Variants in CHAC1 observed in about 807,000 individuals in gnomAD.
CHAC1 encodes ChaC glutathione specific gamma-glutamylcyclotransferase 1.
Under a neutral mutation model 22.1 loss-of-function variants are expected in CHAC1, and 22 were observed. The ratio of observed to expected loss-of-function variants is 1.00; its 90% CI spans 0.71 to 1.42. The LOEUF is 1.42. Among genes scored for constraint, CHAC1 ranks in the 40% most tolerant of loss-of-function variants. The pLI, the probability that CHAC1 is intolerant of heterozygous loss-of-function variation, is 0.00. For synonymous variants in CHAC1, 145 were observed against 128.7 expected (o/e 1.13, Z -0.86); for missense variants, 272 against 299.2 (o/e 0.91, Z 0.67).
chr15:40,953,683 T>C lies in CHAC1; in HGVS notation c.100T>C (p.Trp34Arg). Residue 34 changes from tryptophan to arginine, a missense_variant, in exon 1 of 3, where the codon TGG (tryptophan) becomes CGG (arginine). Transcript: ENST00000617768. ...AAACGACGGCGACCCTCAAGCGCTGTGGATTTTCGGGTACGGCTCCCTGGT... is the reference window on the plus strand; with the variant it reads ...AAACGACGGCGACCCTCAAGCGCTGCGGATTTTCGGGTACGGCTCCCTGGT... ...PRNDGDPQALWIFGYGSLVWR... is the reference protein window; with the variant it reads ...PRNDGDPQALRIFGYGSLVWR... 6.2e-7 allele frequency: 1 copy of C among 1,608,126 alleles called. No individual in the cohort carries two copies.
rs142679695 is a variant in CHAC1, at chr15:40,955,401, T to C, written c.296T>C (p.Val99Ala). The change falls in exon 3 of 3, where the codon GTG becomes GCG. Residue 99 changes from valine to alanine, a missense_variant. By Grantham distance (64) the Val-to-Ala change is moderately conservative. Coordinates refer to ENST00000617768, the MANE Select transcript of CHAC1 (RefSeq NM_024111.6). ...EGCTWGVAYQ[V>A]QGEQVSKALK... ...TGCACTTGGGGCGTGGCATACCAAG[T>C]GCAAGGGGAGCAGGTAAGCAAGGCC... 2.3e-4 allele frequency: 367 copies of C among 1,613,956 alleles called. 1 individual carries two copies. In the African/African-American group the frequency reaches 4.4e-3, roughly 19 times the overall value.
In CHAC1 at chr15:40,953,813, T is replaced by C; in HGVS notation, c.230T>C (p.Met77Thr). ...GDTFHRGSDK[M>T]PGRVVTLLED... ...ACCTTCCATCGGGGCAGCGACAAGA[T>C]GGTGAGCATCCAACCGTGCCCAGGG... The change falls in exon 1 of 3, where the codon ATG becomes ACG. Residue 77 changes from methionine (M) to threonine (T), a missense_variant and splice_region_variant. Coordinates refer to ENST00000617768, the MANE Select transcript of CHAC1 (RefSeq NM_024111.6). 4 of 1,587,650 alleles carry C rather than the reference T, an allele frequency of 2.5e-6. No individual in the cohort carries two copies. The highest frequency in any genetic ancestry group is 2.2e-5 in the South Asian group (2 of 90,022).
In CHAC1 at chr15:40,953,533, G is replaced by T; in HGVS notation, c.-51G>T. ...CGTCCGTCGGTCTTTCCGTGCCCAC[G>T]CCGGAGACCAGCCCCGGAGGCCGCC... On this transcript the variant is annotated 5_prime_UTR_variant, in exon 1 of 3. Transcript: ENST00000617768. The T allele has an allele frequency of 6.2e-7, 1 of 1,605,710 alleles. No individual in the cohort carries two copies. The highest frequency in any genetic ancestry group is 8.5e-7 in the Non-Finnish European group (1 of 1,178,564).
chr15:40,954,584 T>TG lies in CHAC1; in HGVS notation c.267+321_267+322insG, dbSNP rs1274006685. On this transcript the variant is annotated intron_variant, in intron 2 of 2. Transcript: ENST00000617768. ...GACCACTTTGTCAACTGTTTTTTTT[T>TG]TTTGTTGTTGTTGTTGTTGTTTTGT... is the stretch of plus-strand genomic sequence containing the variant. Among the ~76,000 whole-genome samples the TG allele has an allele frequency of 9.1e-3, 1,373 of 151,010 alleles. 21 individuals carry two copies. Among genetic ancestry groups the TG allele is most frequent in the African/African-American group, 0.032 (1,317 of 40,886 alleles).
chr15:40,954,393 G>A, intron 2 of CHAC1, 130 bp downstream of exon 2: 2 of 923,062 alleles, frequency 2.2e-6, no homozygotes, highest in East Asian at 2.4e-5. Context: ...ACGTGTTCTA[G>A]CTCAGTGCTT....
In CHAC1 at chr15:40,954,279, A is replaced by G; in HGVS notation, c.267+16A>G. 6.2e-7 allele frequency: 1 copy of G among 1,613,906 alleles called. No individual in the cohort carries two copies. The highest frequency in any genetic ancestry group is 2.2e-5 in the East Asian group (1 of 44,878). Reference sequence around the variant, plus strand: ...AGATCATGAGGTAAGTGCCCGAATCATGAAGGGGAACCCTGGCCCAGTGTG... The same window carrying G: ...AGATCATGAGGTAAGTGCCCGAATCGTGAAGGGGAACCCTGGCCCAGTGTG... On this transcript the variant is annotated intron_variant, in intron 2 of 2. Transcript: ENST00000617768.
At position 40,956,043 on chromosome 15, in the gene CHAC1, G is replaced by A. The variant is rs1401675482; in HGVS notation, c.*269G>A. 7 of 423,818 alleles carry A rather than the reference G, an allele frequency of 1.7e-5. No individual in the cohort carries two copies. Among genetic ancestry groups the A allele is most frequent in the Non-Finnish European group, 3.0e-5 (7 of 236,786 alleles). The allele number at this position is 423,818 out of a possible 1,614,324, so 26.3% of individuals were successfully genotyped here. A position where few individuals can be genotyped will look rare whatever the true frequency, so the allele number is the denominator to read the frequency against. ...GGACACAGGGGCCCTGCTGAGCAGT[G>A]GCCCCATCCTGGAACTTGACCAGAT... On this transcript the variant is annotated 3_prime_UTR_variant, in exon 3 of 3. Coordinates refer to ENST00000617768, the MANE Select transcript of CHAC1 (RefSeq NM_024111.6).
At position 40,955,812 on chromosome 15, in the gene CHAC1, CAG is replaced by C. The variant is rs1438092602; in HGVS notation, c.*39_*40del. On this transcript the variant is annotated 3_prime_UTR_variant, in exon 3 of 3. Transcript: ENST00000617768. ...CTGCGGGGAGTGCTCATGTGGACAT[CAG>C]GGCCAGACACCCACTCCAGTGCACA... 7 of 1,531,946 alleles carry C rather than the reference CAG, an allele frequency of 4.6e-6. No homozygotes were observed. The East Asian group carries it at 1.4e-4, about 30-fold the overall frequency. 94.9% of individuals were successfully genotyped at this position (1,531,946 alleles called of 1,614,324 possible).
At position 40,955,407 on chromosome 15, in the gene CHAC1, G is replaced by C; in HGVS notation, c.302G>C (p.Gly101Ala). The C allele has an allele frequency of 6.2e-7, 1 of 1,613,998 alleles. No individual in the cohort carries two copies. Among genetic ancestry groups the C allele is most frequent in the Middle Eastern group, 1.6e-4 (1 of 6,062 alleles). Residue 101 changes from glycine (G) to alanine (A), a missense_variant, in exon 3 of 3, where the codon GGG becomes GCG. Physicochemically the swap from Gly to Ala is moderately conservative, Grantham distance 60. Transcript: ENST00000617768. ...CTWGVAYQVQ[G>A]EQVSKALKYL... ...TGGGGCGTGGCATACCAAGTGCAAGGGGAGCAGGTAAGCAAGGCCCTGAAG... is the reference window on the plus strand; with the variant it reads ...TGGGGCGTGGCATACCAAGTGCAAGCGGAGCAGGTAAGCAAGGCCCTGAAG...
At position 40,955,294 on chromosome 15, in the gene CHAC1, G is replaced by A. The variant is rs923715796; in HGVS notation, c.268-79G>A. On this transcript the variant is annotated intron_variant, in intron 2 of 2. Transcript: ENST00000617768. ...TCCCTTATAGAGCACAGTCCTGGGT[G>A]GGGGTGGCATGTTAGGATAGGAGAG... The A allele has an allele frequency of 2.0e-6, 3 of 1,488,856 alleles. No homozygotes were observed. The South Asian group carries it at 3.7e-5, about 18-fold the overall frequency. 92.2% of individuals were successfully genotyped at this position (1,488,856 alleles called of 1,614,324 possible). A position where few individuals can be genotyped will look rare whatever the true frequency, so the allele number is the denominator to read the frequency against.
chr15:40,953,858 G>A (rs1242364302), intron 1 of CHAC1, 44 bp downstream of exon 1: 10 of 1,459,458 alleles, frequency 6.9e-6, no homozygotes, highest in Admixed American at 4.0e-5. Context: ...GGTTGGGGGC[G>A]GGATACTGGG....
rs1374498180 is a variant in CHAC1 at position 40,953,723 on chromosome 15, T to C, written c.140T>C (p.Phe47Ser). 6.2e-7 allele frequency: 1 copy of C among 1,604,396 alleles called. No individual in the cohort carries two copies. The highest frequency in any genetic ancestry group is 1.3e-5 in the African/African-American group (1 of 74,940). ...GYGSLVWRPD[F>S]AYSDSRVGFV... ...GGCTCCCTGGTGTGGAGGCCCGACT[T>C]CGCCTACAGCGACAGCCGTGTGGGC... Residue 47 changes from phenylalanine (F) to serine (S), a missense_variant, in exon 1 of 3, where the codon TTC becomes TCC. Coordinates refer to ENST00000617768, the MANE Select transcript of CHAC1 (RefSeq NM_024111.6).
At position 40,954,274 on chromosome 15, in the gene CHAC1, G is replaced by A. The variant is rs756426342; in HGVS notation, c.267+11G>A. 3 of 1,613,858 alleles carry A rather than the reference G, an allele frequency of 1.9e-6. No homozygotes were observed. Among genetic ancestry groups the A allele is most frequent in the South Asian group, 2.2e-5 (2 of 91,072 alleles). ...CTTGAAGATCATGAGGTAAGTGCCC[G>A]AATCATGAAGGGGAACCCTGGCCCA... On this transcript the variant is annotated intron_variant, in intron 2 of 2. Coordinates refer to ENST00000617768, the MANE Select transcript of CHAC1 (RefSeq NM_024111.6).
chr15:40,954,591 G>T (rs1006869692), intron 2 of CHAC1, among the ~76,000 whole-genome samples: 67 of 150,518 alleles, frequency 4.5e-4, no homozygotes, highest in Non-Finnish European at 7.8e-4. Flanking sequence ...TTTTTTTGTT[G>T]TTGTTGTTGT....
Position 40,955,949 on chromosome 15 carries a change from C to A in CHAC1, c.*175C>A. 1.5e-6 allele frequency: 1 copy of A among 660,338 alleles called. No homozygotes were observed. The highest frequency in any genetic ancestry group is 2.5e-6 in the Non-Finnish European group (1 of 394,852). The allele number at this position is 660,338 out of a possible 1,614,324, so 40.9% of individuals were successfully genotyped here. A position where few individuals can be genotyped will look rare whatever the true frequency, so the allele number is the denominator to read the frequency against. On this transcript the variant is annotated 3_prime_UTR_variant, in exon 3 of 3. Coordinates refer to ENST00000617768, the MANE Select transcript of CHAC1 (RefSeq NM_024111.6). The stretch of plus-strand genomic sequence containing the variant: ...CAGCCTGCAGCTCTCCTGCTTGACA[C>A]TGACTTACTACTTGAAACTTTATTT...
Position 40,955,764 on chromosome 15 carries a change from C to A in CHAC1, c.659C>A (p.Ala220Glu). 2.5e-6 allele frequency: 4 copies of A among 1,593,986 alleles called. No homozygotes were observed. The highest frequency in any genetic ancestry group is 3.4e-6 in the Non-Finnish European group (4 of 1,175,876). Residue 220 changes from alanine to glutamate, a missense_variant, in exon 3 of 3, where the codon GCG (alanine) becomes GAG (glutamate). Coordinates refer to ENST00000617768, the MANE Select transcript of CHAC1 (RefSeq NM_024111.6). ...TTCTGCCCCACCGAGCAGGCTCTGG[C>A]GCTGGTGTGAGGGGCTGAGCCCCTG... ...PCFCPTEQAL[A>E]LV
intron 2 of CHAC1, 22 bp from the exon 3 acceptor site, chr15:40,955,351 G>C (rs561417357): frequency 6.2e-7 from 1 of 1,611,806 alleles, no homozygotes; most frequent in Non-Finnish European, 8.5e-7. Flanking sequence ...GACTGACCCC[G>C]GGTGTCCCTA....
At position 40,953,654 on chromosome 15, in the gene CHAC1, C is replaced by A; in HGVS notation, c.71C>A (p.Pro24His). 1 of 1,609,322 alleles carries A rather than the reference C, an allele frequency of 6.2e-7. No individual in the cohort carries two copies. ...TCCCCTACGCCGTCCGCTCAGTTCC[C>A]CCGAAACGACGGCGACCCTCAAGCG... ...SQSPTPSAQFPRNDGDPQALW... is the reference protein window; with the variant it reads ...SQSPTPSAQFHRNDGDPQALW... Residue 24 changes from proline to histidine, a missense_variant, in exon 1 of 3, where the codon CCC (proline) becomes CAC (histidine). By Grantham distance (77) the Pro-to-His change is moderately conservative (BLOSUM62 -2). Transcript: ENST00000617768.
In CHAC1 at chr15:40,955,362, T is replaced by G. The variant is rs886853721; in HGVS notation, c.268-11T>G. The G allele has an allele frequency of 6.2e-7, 1 of 1,612,928 alleles. No individual in the cohort carries two copies. Among genetic ancestry groups the G allele is most frequent in the African/African-American group, 1.3e-5 (1 of 74,884 alleles). ...TCATGACTGACCCCGGGTGTCCCTA[T>G]TTCTTCCCAGGGCTGCACTTGGGGC... On this transcript the variant is annotated splice_polypyrimidine_tract_variant and intron_variant, in intron 2 of 2. Transcript: ENST00000617768.
Sources: gnomAD v4.1 joint callset for allele counts (sites outside exome capture counted in the v4.1 genomes callset) on GRCh38, gnomAD v4.1.1 for gene constraint, MANE v1.5 for transcripts, NCBI Gene and HGNC (gene_info 2026-07-23, HGNC 2026-07-21) for gene names.